The following COMMD10 variants were observed in gnomAD, a reference collection of about 807,000 sequenced individuals.
The protein encoded by COMMD10 is COMM domain-containing protein 10.
COMMD10 carries 33 observed loss-of-function variants against 28.9 expected under a neutral mutation model. That is an observed-to-expected ratio of 1.14 (90% confidence interval 0.87 to 1.53). COMMD10 has a LOEUF of 1.53. COMMD10 is among the 40% of genes most tolerant of loss of function. COMMD10 has a pLI of 0.00. For missense variants in COMMD10, 310 were observed against 233.4 expected, an observed-to-expected ratio of 1.33 and a Z score of -2.14; for synonymous variants, 110 against 81.7, an observed-to-expected ratio of 1.35 and a Z score of -1.87.
intron 5 of COMMD10, among the ~76,000 whole-genome samples, chr5:116,136,974 A>G (rs768466931): frequency 6.6e-6 from 1 of 152,054 alleles, no homozygotes; most frequent in Non-Finnish European, 1.5e-5. Context: ...CTCCTAAACA[A>G]TAGACAGACA....
chr5:116,228,553 C>G (rs928662692), intron 5 of COMMD10, among the ~76,000 whole-genome samples: 2 of 151,818 alleles, frequency 1.3e-5, no homozygotes, highest in African/African-American at 4.8e-5. Flanking sequence ...GACAAAGAAC[C>G]TTTAATAGAC....
intron 5 of COMMD10, chr5:116,218,376 C>T (rs1487155849): frequency 9.1e-6 from 5 of 547,116 alleles, no homozygotes; most frequent in East Asian, 3.9e-5. Flanking sequence ...GTCCAGGGGT[C>T]GTTCTTGCCT....
chr5:116,176,202 A>G (rs1452205071), intron 5 of COMMD10, among the ~76,000 whole-genome samples: 1 of 152,128 alleles, frequency 6.6e-6, no homozygotes, highest in East Asian at 1.9e-4. Flanking sequence ...ACCTCCACCT[A>G]CAAGATTCAA....
At chr5:116,175,504 A>G (rs141526693) in intron 5 of COMMD10, among the ~76,000 whole-genome samples, 1 of 152,192 alleles carries the variant, frequency 6.6e-6, no homozygotes, top group Non-Finnish European at 1.5e-5. Flanking sequence ...GAATTACCAT[A>G]TGACCTAGCA....
chr5:116,236,806 A>G (rs577571741), intron 5 of COMMD10, among the ~76,000 whole-genome samples: 3 of 152,246 alleles, frequency 2.0e-5, no homozygotes, highest in South Asian at 2.1e-4. Flanking sequence ...AATGTAAACT[A>G]TGGACGTTGG....
intron 5 of COMMD10, among the ~76,000 whole-genome samples, chr5:116,264,358 C>G (rs767389151): frequency 6.6e-6 from 1 of 151,806 alleles, no homozygotes; most frequent in Non-Finnish European, 1.5e-5. Flanking sequence ...TTAGTAGTTA[C>G]AAAAATTACT....
chr5:116,127,440 G>T (rs112024820), intron 4 of COMMD10, among the ~76,000 whole-genome samples: 8,207 of 152,180 alleles, frequency 0.054, 316 homozygotes, highest in African/African-American at 0.11. Context: ...ATACCCAAAG[G>T]ATTATAAATC....
intron 4 of COMMD10, among the ~76,000 whole-genome samples, chr5:116,097,643 A>T (rs1321920284): frequency 1.3e-5 from 2 of 152,166 alleles, no homozygotes; most frequent in African/African-American, 2.4e-5. Context: ...GAAATAGGGT[A>T]ATTATATAAA....
intron 5 of COMMD10, among the ~76,000 whole-genome samples, chr5:116,148,313 A>G (rs1377245290): frequency 6.6e-6 from 1 of 151,882 alleles, no homozygotes; most frequent in Non-Finnish European, 1.5e-5. Flanking sequence ...TGAGGTTTCT[A>G]AACCATGAGA....
chr5:116,247,760 T>A (rs1749991550), intron 5 of COMMD10, among the ~76,000 whole-genome samples: 1 of 151,952 alleles, frequency 6.6e-6, no homozygotes, highest in African/African-American at 2.4e-5. Flanking sequence ...AGCTAAATGA[T>A]GAGAACACAT....
intron 5 of COMMD10, among the ~76,000 whole-genome samples, chr5:116,181,271 T>C (rs1278699230): frequency 1.3e-5 from 2 of 152,032 alleles, no homozygotes; most frequent in African/African-American, 4.8e-5. Flanking sequence ...TGTGAATGTA[T>C]GGTCAGTTGA....
At chr5:116,285,281 A>T (rs1330792225) in intron 5 of COMMD10, among the ~76,000 whole-genome samples, 1 of 151,998 alleles carries the variant, frequency 6.6e-6, no homozygotes, top group African/African-American at 2.4e-5. Context: ...TAACTTCTTG[A>T]TATCTTGGAA....
At chr5:116,207,458 T>C (rs1748841997) in intron 5 of COMMD10, among the ~76,000 whole-genome samples, 1 of 152,192 alleles carries the variant, frequency 6.6e-6, no homozygotes, top group South Asian at 2.1e-4. Flanking sequence ...ATGTTCTCTT[T>C]TATTCATCAG....
At chr5:116,225,353 G>GGTTTTTTTTTT (rs143964154) in intron 5 of COMMD10, among the ~76,000 whole-genome samples, 1 of 116,512 alleles carries the variant, frequency 8.6e-6, no homozygotes, top group African/African-American at 3.4e-5. Flanking sequence ...TTTTTTTGGG[G>GGTTTTTTTTTT]ATTTTTTTTT....
At chr5:116,229,409 G>A (rs1282095081) in intron 5 of COMMD10, among the ~76,000 whole-genome samples, 1 of 151,970 alleles carries the variant, frequency 6.6e-6, no homozygotes, top group Non-Finnish European at 1.5e-5. Context: ...ACCTTCTTCT[G>A]GCAAGGCAGG....
intron 4 of COMMD10, among the ~76,000 whole-genome samples, chr5:116,124,352 G>A (rs535296227): frequency 6.6e-6 from 1 of 152,172 alleles, no homozygotes; most frequent in Admixed American, 6.5e-5. Flanking sequence ...GGAGCAGATT[G>A]TTCAGTTTCC....
intron 5 of COMMD10, among the ~76,000 whole-genome samples, chr5:116,192,332 C>T (rs1489243312): frequency 1.3e-5 from 2 of 149,932 alleles, no homozygotes; most frequent in East Asian, 2.0e-4. Context: ...CCTGATTTAC[C>T]TGAAAAAGAG....
At chr5:116,272,688 C>T (rs974123908) in intron 5 of COMMD10, among the ~76,000 whole-genome samples, 1 of 151,778 alleles carries the variant, frequency 6.6e-6, no homozygotes, top group Admixed American at 6.6e-5. Flanking sequence ...ATCTTTATCC[C>T]ACTCATTTAA....
chr5:116,214,125 CT>C (rs1224356775), intron 5 of COMMD10, among the ~76,000 whole-genome samples: 1 of 152,102 alleles, frequency 6.6e-6, no homozygotes, highest in African/African-American at 2.4e-5. Context: ...GAGAGGCAAA[CT>C]TTGTCTTTAA....
Sources: gnomAD v4.1 joint callset for allele counts (sites outside exome capture counted in the v4.1 genomes callset) on GRCh38, gnomAD v4.1.1 for gene constraint, MANE v1.5 for transcripts, NCBI Gene and HGNC (gene_info 2026-07-23, HGNC 2026-07-21) for gene names.